The following HSPA4L variants were observed in gnomAD, a reference collection of about 807,000 sequenced individuals.
HSPA4L encodes heat shock protein family A (Hsp70) member 4 like.
In HSPA4L, 48 loss-of-function variants were observed where a neutral mutation model predicts 100.3. The ratio of observed to expected loss-of-function variants is 0.48; its 90% CI spans 0.38 to 0.61. The LOEUF is 0.61. HSPA4L is among the 20% of genes least tolerant of loss of function. The probability of loss-of-function intolerance (pLI) is 0.00; values close to 1 mark genes in which losing one functional copy is unlikely to be tolerated. For synonymous variants in HSPA4L, 319 were observed against 328.2 expected (o/e 0.97, Z 0.30); for missense variants, 886 against 988.6 (o/e 0.90, Z 1.39).
In HSPA4L at chr4:127,827,359, G is replaced by A; in HGVS notation, c.2101G>A (p.Ala701Thr). 1 of 1,613,544 alleles carries A rather than the reference G, an allele frequency of 6.2e-7. No individual in the cohort carries two copies. Among genetic ancestry groups the A allele is most frequent in the Non-Finnish European group, 8.5e-7 (1 of 1,179,606 alleles). Residue 701 changes from alanine to threonine, a missense_variant, in exon 17 of 19, where the codon GCC becomes ACC. By Grantham distance (58) the Ala-to-Thr change is moderately conservative (BLOSUM62 0). Coordinates refer to ENST00000296464, the MANE Select transcript of HSPA4L (RefSeq NM_014278.4). ...CATGGAGCATGAAGAGAGACCAAAA[G>A]CCTTAAATGACTTGGGAAAAAAGAT... ...KYMEHEERPK[A>T]LNDLGKKIQL...
rs1027116459 is a variant in HSPA4L at position 127,837,165 on chromosome 4, C to A, written c.*4291C>A. ...CCATGTTGGCCAGCCTGGTCTTGAA[C>A]TCTTGAACTCCTGACCTCAGGTAAT... On this transcript the variant is annotated 3_prime_UTR_variant, in exon 19 of 19. Coordinates refer to ENST00000296464, the MANE Select transcript of HSPA4L (RefSeq NM_014278.4). The A allele has an allele frequency of 2.0e-5, 3 of 152,164 alleles. No homozygotes were observed. Among genetic ancestry groups the A allele is most frequent in the Non-Finnish European group, 4.4e-5 (3 of 68,054 alleles). The allele number at this position is 152,164 out of a possible 1,614,324, so 9.4% of individuals were successfully genotyped here.
intron 17 of HSPA4L, among the ~76,000 whole-genome samples, chr4:127,829,126 CACAT>C (rs1734018827): frequency 6.6e-6 from 1 of 152,010 alleles, no homozygotes. Flanking sequence ...TAAGGTGATA[CACAT>C]GTTAGGAGAG....
chr4:127,801,261 T>A, intron 5 of HSPA4L, 24 bp downstream of exon 5: 1 of 1,491,052 alleles, frequency 6.7e-7, no homozygotes, highest in African/African-American at 1.4e-5. Context: ...AATTTGAAAA[T>A]CACTATAAGC....
chr4:127,822,341 C>A (rs1457381243), intron 14 of HSPA4L, among the ~76,000 whole-genome samples: 1 of 152,184 alleles, frequency 6.6e-6, no homozygotes, highest in African/African-American at 2.4e-5. Context: ...CGTATCATAA[C>A]TTCATTTCTT....
intron 1 of HSPA4L, among the ~76,000 whole-genome samples, chr4:127,789,647 CA>C (rs56249580): frequency 1.0e-4 from 15 of 145,932 alleles, no homozygotes; most frequent in Non-Finnish European, 6.0e-5. Context: ...GATTCTGTCT[CA>C]AAAAAAAAAA....
intron 16 of HSPA4L, among the ~76,000 whole-genome samples, chr4:127,824,502 T>A (rs1733894481): frequency 1.3e-5 from 2 of 152,208 alleles, no homozygotes; most frequent in Admixed American, 6.5e-5. Context: ...TATTGTATAG[T>A]CATAATGTTG....
intron 3 of HSPA4L, among the ~76,000 whole-genome samples, chr4:127,796,752 T>C (rs1442860650): frequency 6.6e-6 from 1 of 152,126 alleles, no homozygotes; most frequent in Non-Finnish European, 1.5e-5. Context: ...TTATATAGAA[T>C]GTTCAGAGTA....
chr4:127,782,717 A>G (rs1250637913), intron 1 of HSPA4L, 60 bp downstream of exon 1: 1 of 1,267,038 alleles, frequency 7.9e-7, no homozygotes, highest in Admixed American at 2.0e-5. Context: ...TCCCGTCCTT[A>G]ACGTTTGTCC....
rs558137001 is a variant in HSPA4L at position 127,783,652 on chromosome 4, A to G, written c.107+995A>G. 90 of 1,535,660 alleles carry G rather than the reference A, an allele frequency of 5.9e-5. No homozygotes were observed. The African/African-American group carries it at 1.2e-3, about 20-fold the overall frequency. Reference sequence around the variant, plus strand: ...GTAATTTTATGAGGAAACCAACTGTATGAAACCTATATTACTTTTTATGGA... The same window carrying G: ...GTAATTTTATGAGGAAACCAACTGTGTGAAACCTATATTACTTTTTATGGA... On this transcript the variant is annotated intron_variant, in intron 1 of 18. Transcript: ENST00000296464.
Position 127,830,701 on chromosome 4 carries a change from G to A in HSPA4L, c.2230G>A (p.Ala744Thr), listed in dbSNP as rs774890193. 4 of 1,610,218 alleles carry A rather than the reference G, an allele frequency of 2.5e-6. No individual in the cohort carries two copies. Among genetic ancestry groups the A allele is most frequent in the Non-Finnish European group, 3.4e-6 (4 of 1,178,062 alleles). ...AAAGGTTGAAAAATGTATCAGTGAT[G>A]CCATGAGTTGGCTGAATAGTAAGAT... ...MEKVEKCISD[A>T]MSWLNSKMNA... is the part of the protein sequence containing the mutation. Residue 744 changes from alanine (A) to threonine (T), a missense_variant, in exon 18 of 19, where the codon GCC (alanine) becomes ACC (threonine). Physicochemically the swap from Ala to Thr is moderately conservative, Grantham distance 58. Transcript: ENST00000296464.
At chr4:127,790,502 A>G (rs756626535) in intron 1 of HSPA4L, among the ~76,000 whole-genome samples, 6 of 152,240 alleles carry the variant, frequency 3.9e-5, no homozygotes, top group Non-Finnish European at 5.9e-5. Context: ...CATCTAAGCC[A>G]CTGATTCCTG....
chr4:127,820,670 A>T, intron 14 of HSPA4L, 105 bp downstream of exon 14: 1 of 1,004,360 alleles, frequency 1.0e-6, no homozygotes, highest in Non-Finnish European at 1.5e-6. Flanking sequence ...TATAACTCCT[A>T]AGGAATTATA....
intron 1 of HSPA4L, chr4:127,783,757 G>A (rs1578683566): frequency 7.8e-7 from 1 of 1,286,352 alleles, no homozygotes; most frequent in Non-Finnish European, 1.1e-6. Context: ...CAAGGTCAGT[G>A]TCCAATGGTC....
At chr4:127,789,605 G>A (rs188914633) in intron 1 of HSPA4L, among the ~76,000 whole-genome samples, 297 of 151,582 alleles carry the variant, frequency 2.0e-3, no homozygotes, top group South Asian at 4.0e-3. Flanking sequence ...CTGAGACTGC[G>A]CTACTGCACT....
chr4:127,800,858 AT>A (rs1733155345), intron 4 of HSPA4L, among the ~76,000 whole-genome samples: 1 of 152,138 alleles, frequency 6.6e-6, no homozygotes, highest in South Asian at 2.1e-4. Flanking sequence ...GAGCAAATAT[AT>A]TTTTAATAGA....
At chr4:127,793,220 G>GAT (rs1168140817) in intron 1 of HSPA4L, among the ~76,000 whole-genome samples, 3 of 152,122 alleles carry the variant, frequency 2.0e-5, no homozygotes, top group Non-Finnish European at 4.4e-5. Flanking sequence ...AAGACAAATA[G>GAT]ATATTAAATG....
chr4:127,813,724 C>A (rs566822421), intron 12 of HSPA4L, among the ~76,000 whole-genome samples: 5 of 152,318 alleles, frequency 3.3e-5, no homozygotes, highest in South Asian at 4.1e-4. Context: ...CCCACTACAA[C>A]CTCTGCCTCC....
intron 17 of HSPA4L, 98 bp downstream of exon 17, chr4:127,827,522 G>T (rs756668170): frequency 6.8e-6 from 9 of 1,324,766 alleles, no homozygotes; most frequent in Non-Finnish European, 8.3e-6. Context: ...TATAGCAGTT[G>T]TATCTATCAA....
At chr4:127,795,954 T>C in intron 3 of HSPA4L, 46 bp downstream of exon 3, 1 of 1,586,014 alleles carries the variant, frequency 6.3e-7, no homozygotes, top group Non-Finnish European at 8.6e-7. Context: ...TCAAATTAAG[T>C]AAACCCAATG....
Sources: allele counts gnomAD v4.1 joint callset (sites outside exome capture counted in the v4.1 genomes callset), GRCh38; gene constraint gnomAD v4.1.1; transcripts MANE v1.5; gene names NCBI Gene and HGNC (gene_info 2026-07-23, HGNC 2026-07-21).